Variants in C4orf50 observed in about 807,000 individuals in gnomAD.
C4orf50 encodes the protein chromosome 4 open reading frame 50, also known as uncharacterized protein C4orf50.
C4orf50 carries 80 observed loss-of-function variants against 77.2 expected under a neutral mutation model. That is an observed-to-expected ratio of 1.04 (90% CI 0.87 to 1.25). The LOEUF (loss-of-function observed/expected upper bound fraction) is 1.25. Among genes scored for constraint, C4orf50 ranks in the 50% most tolerant of loss-of-function variants. The probability of loss-of-function intolerance (pLI) is 0.00; values close to 1 mark genes in which losing one functional copy is unlikely to be tolerated. For missense variants in C4orf50, 1,257 were observed against 1,152.9 expected (o/e 1.09, Z -1.31); for synonymous variants, 532 against 465.3 (o/e 1.14, Z -1.84).
intron 25 of C4orf50, among the ~76,000 whole-genome samples, chr4:5,998,555 C>G (rs945072508): frequency 2.0e-5 from 3 of 152,186 alleles, no homozygotes; most frequent in Non-Finnish European, 1.5e-5. Flanking sequence ...GCGGGATCAT[C>G]CAGTCACTCC....
At position 6,011,289 on chromosome 4, in the gene C4orf50, G is replaced by A. The variant is rs528619578; in HGVS notation, c.426+541C>T. 4.6e-5 allele frequency among the ~76,000 whole-genome samples: 7 copies of A among 152,138 alleles called. No homozygotes were observed. The South Asian group carries it at 8.3e-4, about 18-fold the overall frequency. ...TGGAACTTTCCGACTCACCCACTCC[G>A]TCCCCAGCACGGTGATATCCTCTGT... On this transcript the variant is annotated intron_variant, in intron 24 of 33. Transcript: ENST00000531445. This position sits in a 1 kb window ranked among gnomAD's most constrained non-coding sequence, Gnocchi z 4.2.
chr4:5,967,497 T>C (rs1178999191), intron 31 of C4orf50, 35 bp from the exon 10 acceptor site: 7 of 1,595,736 alleles, frequency 4.4e-6, no homozygotes, highest in Non-Finnish European at 6.0e-6. Flanking sequence ...TTATTCTGCA[T>C]GGCACTGGAG....
At chr4:6,004,027 G>GTGATAGTGATGATGGTGATGATGCTGA (rs1722025291) in intron 25 of C4orf50, among the ~76,000 whole-genome samples, 1 of 30,752 alleles carries the variant, frequency 3.3e-5, no homozygotes, top group Non-Finnish European at 6.6e-5. Context: ...TGGTGATAAT[G>GTGATAGTGATGATGGTGATGATGCTGA]TGATAGTGAT....
chr4:5,913,806 A>C (rs1473533144), intron 7 of C4orf50, among the ~76,000 whole-genome samples: 2 of 152,218 alleles, frequency 1.3e-5, no homozygotes, highest in Admixed American at 1.3e-4. Context: ...CTTTTAATTT[A>C]ACTTTTAGCA....
chr4:5,970,463 G>A lies in C4orf50; in HGVS notation c.4105-3001C>T, dbSNP rs1444725539. Among the ~76,000 whole-genome samples, 1 of 152,168 alleles carries A rather than the reference G, an allele frequency of 6.6e-6. No individual in the cohort carries two copies. Among genetic ancestry groups the A allele is most frequent in the Admixed American group, 6.5e-5 (1 of 15,280 alleles). ...GCTGGACAGAATCAGCAGAGTAGGAGGAGGGAAGCCAGGGCGGATACAAGG... is the reference window on the plus strand; with the variant it reads ...GCTGGACAGAATCAGCAGAGTAGGAAGAGGGAAGCCAGGGCGGATACAAGG... On this transcript the variant is annotated intron_variant, in intron 31 of 33. Transcript: ENST00000531445. This position sits in a 1 kb window ranked among gnomAD's most constrained non-coding sequence, Gnocchi z 4.3.
intron 7 of C4orf50, among the ~76,000 whole-genome samples, chr4:5,909,935 G>T (rs116100738): frequency 0.022 from 3,391 of 152,268 alleles, 48 homozygotes; most frequent in Middle Eastern, 0.048. Flanking sequence ...AAGTCAGGGG[G>T]TGTGGAGCCC....
chr4:5,980,278 G>A, exon 29 of C4orf50: 4 of 1,613,036 alleles, frequency 2.5e-6, no homozygotes, highest in Non-Finnish European at 3.4e-6. Context: ...ACCCGGTGAT[G>A]GAGCTGCTGG....
At chr4:5,949,954 A>G (rs1718646127) in intron 7 of C4orf50, among the ~76,000 whole-genome samples, 1 of 144,092 alleles carries the variant, frequency 6.9e-6, no homozygotes, top group African/African-American at 2.6e-5. Context: ...GCGCCATTGC[A>G]CTCCAGCCTG....
chr4:5,975,120 A>C (rs1720181454), intron 30 of C4orf50, among the ~76,000 whole-genome samples: 1 of 113,132 alleles, frequency 8.8e-6, no homozygotes, highest in African/African-American at 3.3e-5. Context: ...AGCCTGGGCG[A>C]CAGAGTGACA....
intron 23 of C4orf50, among the ~76,000 whole-genome samples, chr4:6,016,856 T>C (rs1457790291): frequency 6.6e-6 from 1 of 152,226 alleles, no homozygotes; most frequent in Non-Finnish European, 1.5e-5. Context: ...TTCAATGGTC[T>C]GCCTTTACTA....
chr4:5,911,195 C>T (rs1179173657), intron 7 of C4orf50, among the ~76,000 whole-genome samples: 1 of 152,170 alleles, frequency 6.6e-6, no homozygotes, highest in East Asian at 1.9e-4. Context: ...AGGCGTAAGC[C>T]ACCATGCCCG....
intron 7 of C4orf50, chr4:5,902,234 A>C (rs796653989): frequency 3.3e-5 from 5 of 152,326 alleles, no homozygotes; most frequent in African/African-American, 1.2e-4. Flanking sequence ...GAAGGCAAGG[A>C]AAGGAATTAG....
intron 7 of C4orf50, among the ~76,000 whole-genome samples, chr4:5,946,743 G>A (rs1204996535): frequency 1.9e-4 from 29 of 152,266 alleles, no homozygotes; most frequent in Non-Finnish European, 1.3e-4. Context: ...AGCCAATGGA[G>A]ACAGGACACA....
At chr4:5,999,278 G>T (rs1416551980) in intron 25 of C4orf50, among the ~76,000 whole-genome samples, 2 of 152,220 alleles carry the variant, frequency 1.3e-5, no homozygotes, top group Admixed American at 6.5e-5. Context: ...AGATACTGCT[G>T]CTTCCACTTC....
intron 28 of C4orf50, among the ~76,000 whole-genome samples, chr4:5,982,543 G>C (rs961021451): frequency 6.6e-6 from 1 of 152,176 alleles, no homozygotes; most frequent in African/African-American, 2.4e-5. Flanking sequence ...TGACCTGAAG[G>C]GGGCACTGAA....
In C4orf50 at chr4:5,988,421, C is replaced by A. The variant is rs758011833; in HGVS notation, c.3625G>T (p.Glu1209Ter). ...CACCTGGGCCTCTTCTCCTCTTTCT[C>A]CAAATGTGCTTCTTTCACTTCTGCT... Residue 1209 changes from glutamate to a stop codon, truncating the protein, a stop_gained, in exon 28 of 34, where the codon GAG becomes TAG. Coordinates refer to ENST00000531445, the Ensembl canonical transcript of C4orf50. LOFTEE classifies it high-confidence loss of function. The A allele has an allele frequency of 6.2e-7, 1 of 1,610,288 alleles. No homozygotes were observed. The highest frequency in any genetic ancestry group is 1.7e-5 in the Admixed American group (1 of 59,570).
rs1268499035 is a variant in C4orf50, at chr4:6,017,850, A to G, written c.287+295T>C. Among the ~76,000 whole-genome samples, 1 of 152,160 alleles carries G rather than the reference A, an allele frequency of 6.6e-6. No homozygotes were observed. Among genetic ancestry groups the G allele is most frequent in the Non-Finnish European group, 1.5e-5 (1 of 68,026 alleles). ...TTCATGGAACAGTCACCCAGAGAAG[A>G]AGAGAGGGAGAACACCTGGCTTCTC... On this transcript the variant is annotated intron_variant, in intron 23 of 33. Transcript: ENST00000531445. This position sits in a 1 kb window ranked among gnomAD's most constrained non-coding sequence, Gnocchi z 4.7.
chr4:5,946,170 C>T (rs1426169012), intron 7 of C4orf50, among the ~76,000 whole-genome samples: 2 of 152,178 alleles, frequency 1.3e-5, no homozygotes, highest in East Asian at 1.9e-4. Context: ...CTGTTCACCC[C>T]TTGTCCTGCC....
At chr4:5,983,691 T>C (rs1262263052) in intron 28 of C4orf50, among the ~76,000 whole-genome samples, 1 of 152,106 alleles carries the variant, frequency 6.6e-6, no homozygotes, top group Non-Finnish European at 1.5e-5. Flanking sequence ...TTTCCCTGGG[T>C]TTCTCTCTGA....
Sources: gnomAD v4.1 joint callset for allele counts (sites outside exome capture counted in the v4.1 genomes callset) on GRCh38, gnomAD v4.1.1 for gene constraint, Gnocchi (gnomAD v3.1) non-coding constraint, MANE v1.5 for transcripts, NCBI Gene and HGNC (gene_info 2026-07-23, HGNC 2026-07-21) for gene names.